Variants in PARVA observed in about 807,000 individuals in gnomAD.
PARVA encodes alpha-parvin.
A neutral mutation model predicts 52.6 loss-of-function variants in PARVA; 25 were observed. The observed-to-expected ratio is 0.48, with a 90% CI of 0.35 to 0.66. The LOEUF (loss-of-function observed/expected upper bound fraction) is 0.66, where lower values mean the gene tolerates loss of function less well. PARVA is among the 30% of genes least tolerant of loss of function. The pLI is 0.01. For missense variants in PARVA, 373 were observed against 450.9 expected (o/e 0.83, Z 1.56); for synonymous variants, 185 against 179.1 (o/e 1.03, Z -0.26).
chr11:12,501,932 T>C (rs912760681), intron 5 of PARVA, among the ~76,000 whole-genome samples: 6 of 152,084 alleles, frequency 3.9e-5, no homozygotes, highest in African/African-American at 9.7e-5. Context: ...TATTTTGCCA[T>C]TAAAGGGGAG....
At chr11:12,488,485 C>G (rs1260039294) in intron 4 of PARVA, among the ~76,000 whole-genome samples, 1 of 152,122 alleles carries the variant, frequency 6.6e-6, no homozygotes, top group Non-Finnish European at 1.5e-5. Context: ...GGCCTATAGC[C>G]TGAAGTTTAA....
chr11:12,519,734 C>A (rs1050748175), intron 12 of PARVA, among the ~76,000 whole-genome samples: 1 of 152,178 alleles, frequency 6.6e-6, no homozygotes, highest in Non-Finnish European at 1.5e-5. Context: ...TCCTTCCAGA[C>A]TCGTTATCTA....
chr11:12,397,615 G>C (rs1939767054), intron 1 of PARVA, among the ~76,000 whole-genome samples: 1 of 152,084 alleles, frequency 6.6e-6, no homozygotes, highest in Admixed American at 6.6e-5. Flanking sequence ...GAAAAGAGAG[G>C]GTGGAAACTA....
chr11:12,512,513 C>T (rs890642572), intron 8 of PARVA, among the ~76,000 whole-genome samples: 3 of 152,194 alleles, frequency 2.0e-5, no homozygotes, highest in African/African-American at 7.2e-5. Context: ...ATCCCTTCCA[C>T]TGTGTCACCT....
chr11:12,422,387 G>T (rs1209182688), intron 1 of PARVA, among the ~76,000 whole-genome samples: 1 of 152,092 alleles, frequency 6.6e-6, no homozygotes, highest in African/African-American at 2.4e-5. Flanking sequence ...AAATATGGAT[G>T]GTTTTATAGC....
chr11:12,436,271 T>C (rs1390139030), intron 1 of PARVA, among the ~76,000 whole-genome samples: 1 of 152,250 alleles, frequency 6.6e-6, no homozygotes, highest in African/African-American at 2.4e-5. Context: ...ATTATAAACC[T>C]GACAACTCAC....
intron 1 of PARVA, among the ~76,000 whole-genome samples, chr11:12,449,030 C>G (rs1320874562): frequency 6.6e-6 from 1 of 152,060 alleles, no homozygotes; most frequent in Non-Finnish European, 1.5e-5. Flanking sequence ...AAATAATATT[C>G]ACTATATTAT....
intron 1 of PARVA, among the ~76,000 whole-genome samples, chr11:12,469,747 C>T (rs759803887): frequency 1.3e-5 from 2 of 152,164 alleles, no homozygotes; most frequent in Non-Finnish European, 2.9e-5. Flanking sequence ...AAAACATTTC[C>T]AATTGCAAAC....
intron 1 of PARVA, among the ~76,000 whole-genome samples, chr11:12,445,270 T>C (rs1940528862): frequency 6.6e-6 from 1 of 152,132 alleles, no homozygotes; most frequent in African/African-American, 2.4e-5. Context: ...TGTGGGGAGC[T>C]GTTATTGCTC....
chr11:12,431,277 A>G (rs1940311451), intron 1 of PARVA, among the ~76,000 whole-genome samples: 1 of 152,220 alleles, frequency 6.6e-6, no homozygotes, highest in Non-Finnish European at 1.5e-5. Context: ...CAGACTGGAT[A>G]GTGCCTGGAT....
At chr11:12,500,485 G>A (rs1941350802) in intron 5 of PARVA, among the ~76,000 whole-genome samples, 1 of 152,134 alleles carries the variant, frequency 6.6e-6, no homozygotes, top group Non-Finnish European at 1.5e-5. Flanking sequence ...TTGTTCTAAA[G>A]AATATTTGAA....
chr11:12,438,057 G>A (rs918856360), intron 1 of PARVA, among the ~76,000 whole-genome samples: 19 of 152,120 alleles, frequency 1.2e-4, no homozygotes, highest in Non-Finnish European at 2.8e-4. Flanking sequence ...TCAGGAGATC[G>A]AGACCATCCT....
intron 1 of PARVA, among the ~76,000 whole-genome samples, chr11:12,407,084 A>G (rs1939923433): frequency 6.6e-6 from 1 of 152,188 alleles, no homozygotes; most frequent in Non-Finnish European, 1.5e-5. Flanking sequence ...ACTGGGTCAA[A>G]AGGTATGAAG....
rs1335832373 is a variant in PARVA, at chr11:12,533,271, T to C, written c.*5346T>C. ...CAGAACGCTGATCCATGGAGACCAG[T>C]GCTTCCAGCCCTCTCACCTCGGAGG... On this transcript the variant is annotated 3_prime_UTR_variant, in exon 13 of 13. Transcript: ENST00000334956. 6.6e-6 allele frequency among the ~76,000 whole-genome samples: 1 copy of C among 152,228 alleles called. No homozygotes were observed. The highest frequency in any genetic ancestry group is 1.9e-4 in the East Asian group (1 of 5,198).
At chr11:12,459,415 GAA>G (rs1940744192) in intron 1 of PARVA, among the ~76,000 whole-genome samples, 1 of 151,102 alleles carries the variant, frequency 6.6e-6, no homozygotes. Flanking sequence ...AAAAAAAAAA[GAA>G]AAAGAGAAGA....
chr11:12,423,105 T>G (rs1479204310), intron 1 of PARVA, among the ~76,000 whole-genome samples: 2 of 152,086 alleles, frequency 1.3e-5, no homozygotes, highest in Non-Finnish European at 2.9e-5. Context: ...CTGTCCACCT[T>G]GGCCTCTCAA....
At chr11:12,447,816 G>T (rs560758804) in intron 1 of PARVA, among the ~76,000 whole-genome samples, 21 of 152,196 alleles carry the variant, frequency 1.4e-4, no homozygotes, top group Non-Finnish European at 2.5e-4. Flanking sequence ...ACCACTCCCA[G>T]TGTTGGGGAA....
At chr11:12,515,861 G>A (rs1253557002) in intron 10 of PARVA, among the ~76,000 whole-genome samples, 1 of 152,102 alleles carries the variant, frequency 6.6e-6, no homozygotes, top group Middle Eastern at 3.2e-3. Flanking sequence ...TTTGAGACAG[G>A]GTCTTACTCC....
At chr11:12,484,833 G>A (rs12294121) in intron 4 of PARVA, among the ~76,000 whole-genome samples, 2 of 123,204 alleles carry the variant, frequency 1.6e-5, no homozygotes, top group Non-Finnish European at 3.3e-5. Context: ...TTTTTTTTGA[G>A]ATAGGGCCTC....
Sources: gnomAD v4.1 joint callset for allele counts (sites outside exome capture counted in the v4.1 genomes callset) on GRCh38, gnomAD v4.1.1 for gene constraint, MANE v1.5 for transcripts, NCBI Gene and HGNC (gene_info 2026-07-23, HGNC 2026-07-21) for gene names.